ITPR1: variants seen among roughly 807,000 people sequenced by gnomAD.
ITPR1 encodes inositol 1,4,5-trisphosphate receptor type 1, also known as inositol 1,4,5-trisphosphate-gated calcium channel ITPR1.
In ITPR1, 96 loss-of-function variants were observed where a neutral mutation model predicts 318.4. The ratio of observed to expected loss-of-function variants is 0.30; its 90% CI spans 0.26 to 0.36. ITPR1 has a LOEUF of 0.36. Among genes scored for constraint, ITPR1 ranks in the 10% least tolerant of loss-of-function variants. The pLI, the probability that ITPR1 is intolerant of heterozygous loss-of-function variation, is 1.00. For missense variants in ITPR1, 2,440 were observed against 3,460.2 expected (o/e 0.71, Z 7.40); for synonymous variants, 1,312 against 1,289.9 (o/e 1.02, Z -0.37).
intron 54 of ITPR1, among the ~76,000 whole-genome samples, chr3:4,805,365 A>G (rs1210314056): frequency 6.6e-6 from 1 of 152,166 alleles, no homozygotes; most frequent in Non-Finnish European, 1.5e-5. Flanking sequence ...CAATCCCAAG[A>G]AAGAGCTCAG....
intron 4 of ITPR1, among the ~76,000 whole-genome samples, chr3:4,565,857 T>C (rs1053755343): frequency 6.6e-6 from 1 of 152,256 alleles, no homozygotes; most frequent in African/African-American, 2.4e-5. Flanking sequence ...GCGATTTTCA[T>C]GTTCCACTAA....
chr3:4,733,471 T>C (rs1430239634), intron 43 of ITPR1, among the ~76,000 whole-genome samples: 1 of 152,116 alleles, frequency 6.6e-6, no homozygotes, highest in African/African-American at 2.4e-5. Context: ...AGTGACCATC[T>C]TGGTGATGGT....
At chr3:4,840,238 T>TA (rs2051244189) in intron 61 of ITPR1, among the ~76,000 whole-genome samples, 3 of 152,224 alleles carry the variant, frequency 2.0e-5, no homozygotes, top group South Asian at 4.1e-4. Context: ...CAAAAGATAT[T>TA]AAAAAATGCA....
intron 2 of ITPR1, among the ~76,000 whole-genome samples, chr3:4,510,964 C>A (rs1040241095): frequency 2.6e-5 from 4 of 152,174 alleles, no homozygotes; most frequent in Admixed American, 6.5e-5. Flanking sequence ...ACTGGAGGAG[C>A]CACCAGGCTT....
At chr3:4,504,451 C>T (rs928589153) in intron 2 of ITPR1, among the ~76,000 whole-genome samples, 2 of 152,126 alleles carry the variant, frequency 1.3e-5, no homozygotes, top group Non-Finnish European at 2.9e-5. Context: ...TTGGGACTGC[C>T]TGAAAACGAA....
chr3:4,701,903 A>T (rs2094660855), intron 35 of ITPR1, among the ~76,000 whole-genome samples: 1 of 151,958 alleles, frequency 6.6e-6, no homozygotes, highest in African/African-American at 2.4e-5. Flanking sequence ...TTCTCCCCTG[A>T]CGCTTTCCTT....
At chr3:4,691,754 T>G (rs1202776986) in intron 32 of ITPR1, among the ~76,000 whole-genome samples, 1 of 152,178 alleles carries the variant, frequency 6.6e-6, no homozygotes, top group African/African-American at 2.4e-5. Flanking sequence ...TGAGGAGCAG[T>G]TGGTCTGTGG....
chr3:4,514,070 G>C (rs1238527500), intron 2 of ITPR1, among the ~76,000 whole-genome samples: 1 of 150,658 alleles, frequency 6.6e-6, no homozygotes. Flanking sequence ...TTGGGCAACA[G>C]AGCAAGACTC....
At chr3:4,837,641 C>T (rs760884311) in intron 61 of ITPR1, among the ~76,000 whole-genome samples, 1 of 151,928 alleles carries the variant, frequency 6.6e-6, no homozygotes, top group Non-Finnish European at 1.5e-5. Context: ...TGGAAACAGG[C>T]AGTTTCCAAT....
intron 60 of ITPR1, chr3:4,831,090 C>T: frequency 4.4e-6 from 2 of 454,392 alleles, no homozygotes; most frequent in Admixed American, 4.7e-5. Context: ...ACTTCCTCCT[C>T]CGTCTGTCTG....
intron 44 of ITPR1, among the ~76,000 whole-genome samples, chr3:4,744,927 TCC>T (rs2043976422): frequency 4.8e-5 from 5 of 103,938 alleles, no homozygotes; most frequent in Non-Finnish European, 9.8e-5. Flanking sequence ...CTTCCTTCCT[TCC>T]TTCCTTCCTT....
At chr3:4,529,287 T>C (rs754353979) in intron 4 of ITPR1, among the ~76,000 whole-genome samples, 1 of 152,210 alleles carries the variant, frequency 6.6e-6, no homozygotes, top group East Asian at 1.9e-4. Context: ...TCTAGTGCAA[T>C]AAATAAGTTT....
intron 4 of ITPR1, 134 bp from the exon 5 acceptor site, chr3:4,627,629 T>G (rs2092878392): frequency 3.4e-6 from 2 of 590,054 alleles, no homozygotes; most frequent in Admixed American, 5.8e-5. Flanking sequence ...GTCAAAGAGC[T>G]TTGTACTCTC....
chr3:4,519,683 C>A (rs867195601), intron 3 of ITPR1, among the ~76,000 whole-genome samples: 6 of 152,224 alleles, frequency 3.9e-5, no homozygotes, highest in South Asian at 4.1e-4. Context: ...AGAACTCAGG[C>A]CATTGGCTAC....
At chr3:4,812,732 G>A (rs887796388) in intron 56 of ITPR1, among the ~76,000 whole-genome samples, 3 of 152,198 alleles carry the variant, frequency 2.0e-5, no homozygotes, top group Non-Finnish European at 4.4e-5. Context: ...TTGACACTAA[G>A]TGACATTTAC....
At position 4,683,817 on chromosome 3, in the gene ITPR1, A is replaced by G. The variant is rs778576398; in HGVS notation, c.3498+19A>G. The G allele has an allele frequency of 6.2e-7, 1 of 1,608,410 alleles. No individual in the cohort carries two copies. Among genetic ancestry groups the G allele is most frequent in the Admixed American group, 1.7e-5 (1 of 59,222 alleles). ...AACGGAGGTGAGTGAAACACAAGTT[A>G]TGCTGCCAAAGTGGATGGATGGGCT... On this transcript the variant is annotated intron_variant, in intron 28 of 61. Transcript: ENST00000649015.
At chr3:4,666,816 AAG>A (rs1394548517) in intron 17 of ITPR1, among the ~76,000 whole-genome samples, 1 of 152,248 alleles carries the variant, frequency 6.6e-6, no homozygotes, top group Non-Finnish European at 1.5e-5. Context: ...CTGATCCCAA[AAG>A]AGAGAAACCA....
intron 44 of ITPR1, among the ~76,000 whole-genome samples, chr3:4,736,735 C>T (rs1490238066): frequency 6.6e-6 from 1 of 152,182 alleles, no homozygotes. Flanking sequence ...GTTGCCCAGC[C>T]ACTGCTGTGT....
intron 39 of ITPR1, among the ~76,000 whole-genome samples, chr3:4,712,558 A>G (rs997814627): frequency 6.6e-6 from 1 of 152,254 alleles, no homozygotes; most frequent in Non-Finnish European, 1.5e-5. Flanking sequence ...AGTAACGGTC[A>G]GCTAGCTACA....
Sources: allele counts gnomAD v4.1 joint callset (sites outside exome capture counted in the v4.1 genomes callset), GRCh38; gene constraint gnomAD v4.1.1; transcripts MANE v1.5; gene names NCBI Gene and HGNC (gene_info 2026-07-23, HGNC 2026-07-21).